Variants in KCNH8 observed in about 807,000 individuals in gnomAD.
KCNH8 encodes the protein potassium voltage-gated channel subfamily H member 8, also known as voltage-gated delayed rectifier potassium channel KCNH8.
KCNH8 carries 70 observed loss-of-function variants against 103.6 expected under a neutral mutation model. The ratio of observed to expected loss-of-function variants is 0.68; its 90% CI spans 0.56 to 0.82. The LOEUF (loss-of-function observed/expected upper bound fraction) is 0.82, where lower values mean the gene tolerates loss of function less well. Among genes scored for constraint, KCNH8 ranks in the 40% least tolerant of loss-of-function variants. The pLI is 0.00. For missense variants in KCNH8, 1,217 were observed against 1,329.9 expected (o/e 0.92, Z 1.32); for synonymous variants, 498 against 489.4 (o/e 1.02, Z -0.23).
At chr3:19,376,647 C>T (rs1334097530) in intron 5 of KCNH8, among the ~76,000 whole-genome samples, 1 of 152,194 alleles carries the variant, frequency 6.6e-6, no homozygotes, top group Non-Finnish European at 1.5e-5. Context: ...TTTAAATTTA[C>T]TAATGTATTG....
chr3:19,271,894 G>T, intron 2 of KCNH8, among the ~76,000 whole-genome samples: 1 of 152,014 alleles, frequency 6.6e-6, no homozygotes, highest in Admixed American at 6.6e-5. Flanking sequence ...TTTGTATTTA[G>T]TGTTCTTTGG....
At chr3:19,321,020 C>G (rs966841061) in intron 3 of KCNH8, among the ~76,000 whole-genome samples, 1 of 151,900 alleles carries the variant, frequency 6.6e-6, no homozygotes, top group Non-Finnish European at 1.5e-5. Context: ...TCTGTGATAT[C>G]TGTTGCAATA....
At chr3:19,497,009 T>C (rs1453298940) in intron 11 of KCNH8, among the ~76,000 whole-genome samples, 1 of 152,140 alleles carries the variant, frequency 6.6e-6, no homozygotes, top group African/African-American at 2.4e-5. Flanking sequence ...AATTTATCAG[T>C]TTCTTCTAGA....
intron 7 of KCNH8, among the ~76,000 whole-genome samples, chr3:19,429,954 C>T (rs1285939778): frequency 6.6e-6 from 1 of 152,114 alleles, no homozygotes; most frequent in African/African-American, 2.4e-5. Flanking sequence ...TTTTCGTTAT[C>T]CAGTCTGTCA....
At chr3:19,529,454 G>C (rs1164179201) in intron 15 of KCNH8, among the ~76,000 whole-genome samples, 3 of 152,062 alleles carry the variant, frequency 2.0e-5, no homozygotes, top group Non-Finnish European at 2.9e-5. Flanking sequence ...TCACGAAGTA[G>C]CCCCAACAAT....
At chr3:19,237,002 T>TA (rs2064074777) in intron 1 of KCNH8, among the ~76,000 whole-genome samples, 1 of 152,260 alleles carries the variant, frequency 6.6e-6, no homozygotes. Flanking sequence ...ATCTGTAGTA[T>TA]AAAATGGTAT....
intron 1 of KCNH8, among the ~76,000 whole-genome samples, chr3:19,155,155 CTT>C (rs1333681978): frequency 6.6e-6 from 1 of 152,170 alleles, no homozygotes; most frequent in Admixed American, 6.5e-5. Flanking sequence ...AACTAATAAT[CTT>C]TTCTAGCCTT....
intron 11 of KCNH8, among the ~76,000 whole-genome samples, chr3:19,484,927 A>G (rs1677337756): frequency 6.6e-6 from 1 of 152,018 alleles, no homozygotes; most frequent in Non-Finnish European, 1.5e-5. Context: ...TCATAAGGGG[A>G]GTATTCTGTT....
chr3:19,412,695 G>T (rs776998023), intron 7 of KCNH8, among the ~76,000 whole-genome samples: 6 of 151,238 alleles, frequency 4.0e-5, no homozygotes, highest in Non-Finnish European at 8.9e-5. Context: ...ACAAGCAAAA[G>T]ACAATTTAAA....
At chr3:19,187,649 T>G (rs985877415) in intron 1 of KCNH8, among the ~76,000 whole-genome samples, 3 of 152,106 alleles carry the variant, frequency 2.0e-5, no homozygotes, top group Admixed American at 6.6e-5. Context: ...TAGCTTTCCT[T>G]AAGTGCACGG....
chr3:19,503,519 G>A (rs2068630590), intron 11 of KCNH8, among the ~76,000 whole-genome samples: 1 of 152,044 alleles, frequency 6.6e-6, no homozygotes, highest in Non-Finnish European at 1.5e-5. Context: ...CAAAGACTTG[G>A]AACCAACCCA....
intron 3 of KCNH8, among the ~76,000 whole-genome samples, chr3:19,317,607 T>C (rs2065290448): frequency 1.3e-5 from 2 of 151,760 alleles, no homozygotes; most frequent in Admixed American, 1.3e-4. Flanking sequence ...AAATTAAATA[T>C]GATCCAAGAA....
intron 5 of KCNH8, among the ~76,000 whole-genome samples, chr3:19,360,404 A>T (rs1229984491): frequency 6.6e-6 from 1 of 152,098 alleles, no homozygotes; most frequent in African/African-American, 2.4e-5. Flanking sequence ...CAGAGGCCAA[A>T]TCTTTCTCCC....
intron 5 of KCNH8, among the ~76,000 whole-genome samples, chr3:19,352,260 T>G (rs2065813634): frequency 1.3e-5 from 2 of 152,102 alleles, no homozygotes; most frequent in South Asian, 4.1e-4. Context: ...ACAAAGAGAC[T>G]TAGACTCCCA....
intron 1 of KCNH8, among the ~76,000 whole-genome samples, chr3:19,247,978 A>G (rs2064227291): frequency 6.6e-6 from 1 of 152,224 alleles, no homozygotes; most frequent in Non-Finnish European, 1.5e-5. Flanking sequence ...ATGTAGTAGT[A>G]TACTAAATGA....
At chr3:19,516,272 T>C (rs1371880317) in intron 14 of KCNH8, among the ~76,000 whole-genome samples, 1 of 152,066 alleles carries the variant, frequency 6.6e-6, no homozygotes, top group African/African-American at 2.4e-5. Context: ...AGAAAGACAT[T>C]TGAATATACA....
At chr3:19,432,481 A>G (rs948944669) in intron 7 of KCNH8, among the ~76,000 whole-genome samples, 2 of 152,328 alleles carry the variant, frequency 1.3e-5, no homozygotes, top group Non-Finnish European at 2.9e-5. Context: ...GAACTTTAGC[A>G]TATCAATAAT....
At chr3:19,242,611 G>A (rs903170946) in intron 1 of KCNH8, among the ~76,000 whole-genome samples, 1 of 152,066 alleles carries the variant, frequency 6.6e-6, no homozygotes, top group African/African-American at 2.4e-5. Flanking sequence ...ATCTAGAAAG[G>A]TGTTATCCCC....
intron 11 of KCNH8, among the ~76,000 whole-genome samples, chr3:19,469,049 C>T (rs1000032912): frequency 1.3e-5 from 2 of 152,114 alleles, no homozygotes; most frequent in Non-Finnish European, 1.5e-5. Context: ...TTTTTTAAAT[C>T]ATATCTGACA....
Sources: gnomAD v4.1 joint callset for allele counts (sites outside exome capture counted in the v4.1 genomes callset) on GRCh38, gnomAD v4.1.1 for gene constraint, MANE v1.5 for transcripts, NCBI Gene and HGNC (gene_info 2026-07-23, HGNC 2026-07-21) for gene names.